The following SYN2 variants were observed in gnomAD, a reference collection of about 807,000 sequenced individuals.
SYN2 encodes the protein synapsin-2.
In SYN2, 19 loss-of-function variants were observed where a neutral mutation model predicts 50.9. The observed-to-expected ratio is 0.37, with a 90% CI of 0.26 to 0.55. The LOEUF (loss-of-function observed/expected upper bound fraction) is 0.55. Ranked by LOEUF, SYN2 falls within the 20% of genes least tolerant of loss-of-function variation. SYN2 has a pLI of 0.81. For missense variants in SYN2, 587 were observed against 576.4 expected (o/e 1.02, Z -0.19); for synonymous variants, 255 against 224.9 (o/e 1.13, Z -1.20).
chr3:12,086,420 A>G (rs1389150409), intron 1 of SYN2, among the ~76,000 whole-genome samples: 3 of 152,172 alleles, frequency 2.0e-5, no homozygotes, highest in Non-Finnish European at 2.9e-5. Flanking sequence ...CAAAGAAACA[A>G]AACTACAGGA....
chr3:12,025,171 G>T (rs187817883), intron 1 of SYN2, among the ~76,000 whole-genome samples: 22 of 151,900 alleles, frequency 1.4e-4, no homozygotes, highest in Admixed American at 7.2e-4. Flanking sequence ...CATCATGGGG[G>T]GGGAGGGGCT....
At chr3:12,096,236 A>G (rs1056124998) in intron 1 of SYN2, among the ~76,000 whole-genome samples, 1 of 152,360 alleles carries the variant, frequency 6.6e-6, no homozygotes, top group Non-Finnish European at 1.5e-5. Flanking sequence ...TTGCTTTCCT[A>G]TAAATCTTTC....
At position 12,132,747 on chromosome 3, in the gene SYN2, G is replaced by A. The variant is rs557400054; in HGVS notation, c.378-7904G>A. On this transcript the variant is annotated intron_variant, in intron 1 of 12. Transcript: ENST00000621198. ...TACAGCTTGTACAAGATGGGGTTAGGGCATGAGTAGCCCTTTATGTTGGGT... is the reference window on the plus strand; with the variant it reads ...TACAGCTTGTACAAGATGGGGTTAGAGCATGAGTAGCCCTTTATGTTGGGT... Among the ~76,000 whole-genome samples, 8 of 152,224 alleles carry A rather than the reference G, an allele frequency of 5.3e-5. No individual in the cohort carries two copies. The East Asian group carries it at 1.4e-3, about 26-fold the overall frequency.
chr3:12,137,168 A>C (rs926199260), intron 1 of SYN2, among the ~76,000 whole-genome samples: 33 of 151,094 alleles, frequency 2.2e-4, no homozygotes, highest in Non-Finnish European at 4.1e-4. Flanking sequence ...GGATCACTGG[A>C]GCTCAGGCAG....
At chr3:12,183,235 C>G in intron 10 of SYN2, 77 bp from the exon 11 acceptor site, 1 of 1,529,390 alleles carries the variant, frequency 6.5e-7, no homozygotes, top group Admixed American at 2.2e-5. Flanking sequence ...GCGGCCTTGC[C>G]ATGGAGCCAC....
intron 1 of SYN2, among the ~76,000 whole-genome samples, chr3:12,132,034 CTTTTTTTTTCTTTTTTT>C (rs1311807823): frequency 4.1e-5 from 5 of 121,018 alleles, no homozygotes; most frequent in African/African-American, 1.8e-4. Context: ...TCTTTTTTTT[CTTTTTTTTTCTTTTTTT>C]TTTTGAGACA....
intron 5 of SYN2, among the ~76,000 whole-genome samples, chr3:12,155,755 A>T (rs28897668): frequency 0.041 from 6,291 of 152,306 alleles, 169 homozygotes; most frequent in Non-Finnish European, 0.063. Flanking sequence ...AAGGCAGGGA[A>T]CATGTTTCCT....
intron 1 of SYN2, among the ~76,000 whole-genome samples, chr3:12,056,290 G>C (rs529519134): frequency 1.6e-4 from 25 of 152,130 alleles, no homozygotes; most frequent in Admixed American, 2.6e-4. Context: ...GGGGAAGGAG[G>C]GGGTCAAGAC....
chr3:12,190,481 A>G lies in SYN2; in HGVS notation c.1614-9A>G, dbSNP rs1698424493. On this transcript the variant is annotated splice_polypyrimidine_tract_variant and intron_variant, in intron 12 of 12. Coordinates refer to ENST00000621198, the MANE Select transcript of SYN2 (RefSeq NM_133625.6). ...CCCTCTCACATTCTCTCTGGTTTTT[A>G]TCTTCAAGCAAGTCGCAGTCCCTGA... 2 of 1,613,342 alleles carry G rather than the reference A, an allele frequency of 1.2e-6. No homozygotes were observed. The highest frequency in any genetic ancestry group is 1.3e-5 in the African/African-American group (1 of 74,852).
At chr3:12,045,884 G>A (rs1261038681) in intron 1 of SYN2, among the ~76,000 whole-genome samples, 1 of 152,160 alleles carries the variant, frequency 6.6e-6, no homozygotes, top group East Asian at 1.9e-4. Context: ...AAAAAATGAG[G>A]CTTGAATTTA....
intron 1 of SYN2, among the ~76,000 whole-genome samples, chr3:12,007,059 A>G (rs553978407): frequency 6.6e-6 from 1 of 152,284 alleles, no homozygotes; most frequent in African/African-American, 2.4e-5. Flanking sequence ...ACTTATTTGT[A>G]TGGGTATGAT....
chr3:12,170,215 T>C (rs753870313), intron 10 of SYN2, among the ~76,000 whole-genome samples: 12 of 152,218 alleles, frequency 7.9e-5, no homozygotes, highest in Non-Finnish European at 1.3e-4. Flanking sequence ...GGACTCAGGA[T>C]GCTCCCATTT....
At chr3:12,041,906 G>A (rs1354657069) in intron 1 of SYN2, among the ~76,000 whole-genome samples, 3 of 152,004 alleles carry the variant, frequency 2.0e-5, no homozygotes, top group South Asian at 2.1e-4. Context: ...TATATCCCTC[G>A]CTCAAAACGT....
chr3:12,124,783 T>C (rs1048624328), intron 1 of SYN2, among the ~76,000 whole-genome samples: 1 of 152,096 alleles, frequency 6.6e-6, no homozygotes, highest in Admixed American at 6.5e-5. Context: ...GTAGTAAAAC[T>C]ATATAAAAAC....
intron 11 of SYN2, among the ~76,000 whole-genome samples, chr3:12,186,198 C>T (rs992241648): frequency 6.6e-6 from 1 of 151,136 alleles, no homozygotes; most frequent in Non-Finnish European, 1.5e-5. Flanking sequence ...TCCACTCCCT[C>T]CAGCAGGCCC....
chr3:12,098,364 A>C (rs983357470), intron 1 of SYN2, among the ~76,000 whole-genome samples: 3 of 152,198 alleles, frequency 2.0e-5, no homozygotes, highest in Non-Finnish European at 4.4e-5. Flanking sequence ...AGTAGTTATA[A>C]ATTTGTGTCA....
At chr3:12,142,727 T>G (rs972478675) in intron 3 of SYN2, among the ~76,000 whole-genome samples, 3 of 152,058 alleles carry the variant, frequency 2.0e-5, no homozygotes, top group Non-Finnish European at 4.4e-5. Flanking sequence ...TTTCAACAAG[T>G]GTTATTCTTC....
chr3:12,151,329 A>G lies in SYN2; in HGVS notation c.774+3A>G, dbSNP rs1185450938. On this transcript the variant is annotated splice_donor_region_variant and intron_variant, in intron 5 of 12. Transcript: ENST00000621198. ...ACTACCCCAACCACAAAGAGATGGTAAGTGGCTCAGTGGGGACATTAGTCT... is the reference window on the plus strand; with the variant it reads ...ACTACCCCAACCACAAAGAGATGGTGAGTGGCTCAGTGGGGACATTAGTCT... 2 of 1,611,094 alleles carry G rather than the reference A, an allele frequency of 1.2e-6. No individual in the cohort carries two copies. Among genetic ancestry groups the G allele is most frequent in the African/African-American group, 2.7e-5 (2 of 75,014 alleles).
At chr3:12,155,604 C>T (rs1574973146) in intron 5 of SYN2, among the ~76,000 whole-genome samples, 1 of 152,310 alleles carries the variant, frequency 6.6e-6, no homozygotes, top group Non-Finnish European at 1.5e-5. Flanking sequence ...GAGAGGGCAG[C>T]AGTGTTCTGG....
Sources: allele counts gnomAD v4.1 joint callset (sites outside exome capture counted in the v4.1 genomes callset), GRCh38; gene constraint gnomAD v4.1.1; transcripts MANE v1.5; gene names NCBI Gene and HGNC (gene_info 2026-07-23, HGNC 2026-07-21).